Variants in POLD1 observed in about 807,000 individuals in gnomAD.
POLD1 encodes DNA polymerase delta 1, catalytic subunit.
Under a neutral mutation model 129.7 loss-of-function variants are expected in POLD1, and 79 were observed. The observed-to-expected ratio is 0.61, with a 90% CI of 0.51 to 0.73. The LOEUF (loss-of-function observed/expected upper bound fraction) is 0.73. Ranked by LOEUF, POLD1 falls within the 30% of genes least tolerant of loss-of-function variation. The probability of loss-of-function intolerance (pLI) is 0.00; values close to 1 mark genes in which losing one functional copy is unlikely to be tolerated. For missense variants in POLD1, 1,338 were observed against 1,595.8 expected (o/e 0.84, Z 2.75); for synonymous variants, 714 against 683.3 (o/e 1.04, Z -0.70).
At position 50,408,954 on chromosome 19, in the gene POLD1, T is replaced by C. The variant is rs3219406; in HGVS notation, c.1892+53T>C. Reference sequence around the variant, plus strand: ...CCCGAGGCCCATCTGGGCCTTCCCTTGGGGGGCTCAGTCTGGTGGGGGGCA... The same window carrying C: ...CCCGAGGCCCATCTGGGCCTTCCCTCGGGGGGCTCAGTCTGGTGGGGGGCA... On this transcript the variant is annotated intron_variant, in intron 15 of 26. Transcript: ENST00000440232. 3.0e-3 allele frequency: 4,563 copies of C among 1,536,298 alleles called. 88 individuals are homozygous for C. In the African/African-American group the frequency reaches 0.03, roughly 10 times the overall value.
chr19:50,397,685 G>A (rs2038420487), intron 1 of POLD1, among the ~76,000 whole-genome samples: 4 of 152,088 alleles, frequency 2.6e-5, no homozygotes, highest in African/African-American at 9.7e-5. Context: ...TTACAGGCGT[G>A]AGCCATCACA....
At chr19:50,394,647 C>G (rs974638808) in intron 1 of POLD1, among the ~76,000 whole-genome samples, 5 of 151,732 alleles carry the variant, frequency 3.3e-5, no homozygotes, top group African/African-American at 1.2e-4. Flanking sequence ...GAGTGAGACT[C>G]CGTCTAAAAA....
intron 1 of POLD1, among the ~76,000 whole-genome samples, chr19:50,395,742 G>T (rs974655891): frequency 1.3e-5 from 2 of 151,980 alleles, no homozygotes; most frequent in African/African-American, 2.4e-5. Flanking sequence ...CCAATACCTT[G>T]CAGACATTAT....
At chr19:50,398,678 C>T (rs530633249) in intron 1 of POLD1, among the ~76,000 whole-genome samples, 173 bp from the exon 2 acceptor site, 316 of 151,404 alleles carry the variant, frequency 2.1e-3, no homozygotes, top group Non-Finnish European at 3.2e-3. Context: ...AACAATTGAG[C>T]GTCTGGAATG....
At chr19:50,417,758 G>C (rs1226596885) in intron 26 of POLD1, 84 bp from the exon 27 acceptor site, 1 of 720,376 alleles carries the variant, frequency 1.4e-6, no homozygotes, top group Non-Finnish European at 2.3e-6. Flanking sequence ...GGGGACCAAA[G>C]TCCTGGGAAC....
intron 26 of POLD1, among the ~76,000 whole-genome samples, chr19:50,417,557 G>A (rs1453944154): frequency 1.6e-4 from 24 of 152,218 alleles, no homozygotes; most frequent in Non-Finnish European, 4.4e-5. Flanking sequence ...TCCCCAGGGC[G>A]GGGCCGGGCT....
At position 50,403,490 on chromosome 19, in the gene POLD1, C is replaced by A. The variant is rs200072694; in HGVS notation, c.1138-3C>A. 6.2e-7 allele frequency: 1 copy of A among 1,610,888 alleles called. No homozygotes were observed. Among genetic ancestry groups the A allele is most frequent in the South Asian group, 1.1e-5 (1 of 90,994 alleles). ...GGGTGACCCAATGTGCTCCCACCCC[C>A]AGGCCTGGTCCACCTTCATCCGTAT... On this transcript the variant is annotated splice_region_variant and splice_polypyrimidine_tract_variant and intron_variant, in intron 9 of 26. Coordinates refer to ENST00000440232, the MANE Select transcript of POLD1 (RefSeq NM_002691.4).
chr19:50,417,311 C>G, intron 26 of POLD1, 42 bp downstream of exon 26: 1 of 1,407,014 alleles, frequency 7.1e-7, no homozygotes, highest in Non-Finnish European at 9.7e-7. Context: ...CGCCCCTTCC[C>G]AGCTCCCAGG....
intron 1 of POLD1, among the ~76,000 whole-genome samples, chr19:50,392,212 AG>A (rs1462066248): frequency 6.6e-6 from 1 of 152,136 alleles, no homozygotes; most frequent in African/African-American, 2.4e-5. Context: ...CTGGGACTGT[AG>A]GTATGCACCA....
intron 1 of POLD1, among the ~76,000 whole-genome samples, chr19:50,392,408 T>G (rs373324820): frequency 1.3e-5 from 2 of 152,286 alleles, no homozygotes; most frequent in African/African-American, 4.8e-5. Context: ...AACTTACTTT[T>G]TCATGACATC....
Position 50,407,055 on chromosome 19 carries a change from C to T in POLD1, c.1567C>T (p.Leu523=), listed in dbSNP as rs1555791382. Residue 523 remains leucine, a synonymous_variant, in exon 13 of 27, where the codon CTG becomes TTG. Coordinates refer to ENST00000440232, the MANE Select transcript of POLD1 (RefSeq NM_002691.4). ...LKDAYLPLRL[L]ERLMVLVNAV... Reference sequence around the variant, plus strand: ...GGATGCCTACCTGCCACTGCGGCTGCTGGAGCGGCTCATGGTGCTGGTGAA... The same window carrying T: ...GGATGCCTACCTGCCACTGCGGCTGTTGGAGCGGCTCATGGTGCTGGTGAA... The T allele has an allele frequency of 1.2e-6, 2 of 1,613,798 alleles. No individual in the cohort carries two copies. The highest frequency in any genetic ancestry group is 1.3e-5 in the African/African-American group (1 of 75,042).
chr19:50,416,763 C>A (rs779808940), intron 24 of POLD1, 40 bp downstream of exon 24: 1 of 1,412,846 alleles, frequency 7.1e-7, no homozygotes, highest in Non-Finnish European at 9.6e-7. Flanking sequence ...TGGCCCTCAA[C>A]CTGCTCTGCC....
intron 17 of POLD1, among the ~76,000 whole-genome samples, chr19:50,410,454 G>A (rs2039051274): frequency 6.6e-6 from 1 of 152,044 alleles, no homozygotes; most frequent in Non-Finnish European, 1.5e-5. Flanking sequence ...CAGTGGGTGG[G>A]GCCTTTGCAC....
chr19:50,414,457 C>A (rs2039201095), intron 19 of POLD1, among the ~76,000 whole-genome samples: 2 of 152,264 alleles, frequency 1.3e-5, no homozygotes, highest in Non-Finnish European at 2.9e-5. Flanking sequence ...GGACTTGGAG[C>A]CTCGCAGAGT....
rs574000747 is a variant in POLD1 at position 50,399,594 on chromosome 19, T to C, written c.316+110T>C. The C allele has an allele frequency of 5.3e-6, 4 of 758,918 alleles. No individual in the cohort carries two copies. In the East Asian group the frequency reaches 1.1e-4, roughly 20 times the overall value. 47.0% of individuals were successfully genotyped at this position (758,918 alleles called of 1,614,324 possible). On this transcript the variant is annotated intron_variant, in intron 3 of 26. Transcript: ENST00000440232. ...CTCCTGGGGCAGAGGCCGGGCCAGG[T>C]CAGCCCCTCTGGCTCTGCCCCTCTG...
chr19:50,415,337 G>A lies in POLD1; in HGVS notation c.2565-101G>A, dbSNP rs537189099. 1.5e-5 allele frequency: 18 copies of A among 1,230,286 alleles called. No individual in the cohort carries two copies. The African/African-American group carries it at 1.5e-4, about 10-fold the overall frequency. The allele number at this position is 1,230,286 out of a possible 1,614,324, so 76.2% of individuals were successfully genotyped here. A position where few individuals can be genotyped will look rare whatever the true frequency, so the allele number is the denominator to read the frequency against. On this transcript the variant is annotated intron_variant, in intron 20 of 26. Transcript: ENST00000440232. Reference sequence around the variant, plus strand: ...GGGCCCCTCTCTGCCCTGAGCCTCAGCCCTAAGAGCTCATCCTGGTCTCCA... The same window carrying A: ...GGGCCCCTCTCTGCCCTGAGCCTCAACCCTAAGAGCTCATCCTGGTCTCCA...
Position 50,417,830 on chromosome 19 carries a change from C to T in POLD1, c.3219-12C>T, listed in dbSNP as rs1157338252. On this transcript the variant is annotated splice_polypyrimidine_tract_variant and intron_variant, in intron 26 of 26. Transcript: ENST00000440232. Reference sequence around the variant, plus strand: ...TGGCTGGTCCTGACCCTGCCCCTGCCCCCACCCGCAGCCGGGACTGCCCCA... The same window carrying T: ...TGGCTGGTCCTGACCCTGCCCCTGCTCCCACCCGCAGCCGGGACTGCCCCA... The T allele has an allele frequency of 5.1e-6, 8 of 1,565,920 alleles. No individual in the cohort carries two copies. The highest frequency in any genetic ancestry group is 7.0e-6 in the Non-Finnish European group (8 of 1,148,508).
chr19:50,410,849 T>G (rs2039064165), intron 17 of POLD1: 1 of 152,242 alleles, frequency 6.6e-6, no homozygotes. Flanking sequence ...CCCAGGCCCC[T>G]CAGCAACCCC....
intron 3 of POLD1, 56 bp from the exon 4 acceptor site, chr19:50,401,722 C>CA: frequency 1.3e-6 from 2 of 1,590,862 alleles, no homozygotes; most frequent in African/African-American, 2.7e-5. Flanking sequence ...GCTGTGGAGA[C>CA]ACACCTTGGA....
Sources: gnomAD v4.1 joint callset for allele counts (sites outside exome capture counted in the v4.1 genomes callset) on GRCh38, gnomAD v4.1.1 for gene constraint, MANE v1.5 for transcripts, NCBI Gene and HGNC (gene_info 2026-07-23, HGNC 2026-07-21) for gene names.